PTPRQ: variants seen among roughly 807,000 people sequenced by gnomAD.
PTPRQ encodes the protein phosphatidylinositol phosphatase PTPRQ.
In PTPRQ, 199 loss-of-function variants were observed where a neutral mutation model predicts 246.0. The observed-to-expected ratio is 0.81, with a 90% CI of 0.72 to 0.91. The LOEUF (loss-of-function observed/expected upper bound fraction) is 0.91. Among genes scored for constraint, PTPRQ ranks in the 40% least tolerant of loss-of-function variants. The pLI, the probability that PTPRQ is intolerant of heterozygous loss-of-function variation, is 0.00. For synonymous variants in PTPRQ, 869 were observed against 853.2 expected (o/e 1.02, Z -0.32); for missense variants, 2,624 against 2,528.4 (o/e 1.04, Z -0.81).
At chr12:80,549,909 G>T (rs1896422050) in intron 25 of PTPRQ, among the ~76,000 whole-genome samples, 175 bp downstream of exon 25, 1 of 151,988 alleles carries the variant, frequency 6.6e-6, no homozygotes, top group Admixed American at 6.6e-5. Context: ...GTACTACATT[G>T]ACCCTTCTCC....
At chr12:80,524,312 T>A (rs1479508567) in intron 17 of PTPRQ, among the ~76,000 whole-genome samples, 2 of 152,102 alleles carry the variant, frequency 1.3e-5, no homozygotes, top group Non-Finnish European at 2.9e-5. Context: ...ACCTGATGGT[T>A]TTACAAGGGG....
At chr12:80,652,710 T>C in intron 37 of PTPRQ, 34 bp from the exon 38 acceptor site, 1 of 1,469,912 alleles carries the variant, frequency 6.8e-7, no homozygotes, top group Non-Finnish European at 9.0e-7. Flanking sequence ...TTACCTCTGA[T>C]AAATGTAAAC....
At chr12:80,562,819 C>A (rs946168313) in intron 25 of PTPRQ, among the ~76,000 whole-genome samples, 2 of 151,626 alleles carry the variant, frequency 1.3e-5, no homozygotes, top group Non-Finnish European at 2.9e-5. Flanking sequence ...TAGGAAAAAT[C>A]AATGAAATGA....
intron 29 of PTPRQ, among the ~76,000 whole-genome samples, chr12:80,615,132 T>C (rs1898702209): frequency 6.6e-6 from 1 of 151,026 alleles, no homozygotes. Context: ...CACTTAAATG[T>C]TAGATTCTAC....
In PTPRQ at chr12:80,534,943, C is replaced by A; in HGVS notation, c.2891C>A (p.Ser964Ter). The change falls in exon 19 of 45, where the codon TCA (serine) becomes TAA (stop). Residue 964 changes from serine to a stop codon, truncating the protein, a stop_gained. Transcript: ENST00000644991. LOFTEE classifies it high-confidence loss of function. ...DVYYANLSSS[S>*]IILFWTPPSK... ...TATTATGCAAACCTCAGTTCTTCAT[C>A]AATAATTCTTTTCTGGACACCTCCT... 1 of 1,550,216 alleles carries A rather than the reference C, an allele frequency of 6.5e-7. No individual in the cohort carries two copies. Among genetic ancestry groups the A allele is most frequent in the Non-Finnish European group, 8.7e-7 (1 of 1,146,330 alleles).
In PTPRQ at chr12:80,445,517, G is replaced by A. The variant is rs1043006583; in HGVS notation, c.190G>A (p.Gly64Arg). ...ACCAGGGCCTCCAGTCTTCCTAGCCGGGGAAAGAGTCGGATCTGCTGGGAT... is the reference window on the plus strand; with the variant it reads ...ACCAGGGCCTCCAGTCTTCCTAGCCAGGGAAAGAGTCGGATCTGCTGGGAT... The part of the protein sequence containing the change: ...TKPGPPVFLA[G>R]ERVGSAGILL... The change falls in exon 3 of 45, where the codon GGG (glycine) becomes AGG (arginine). Residue 64 changes from glycine (G) to arginine (R), a missense_variant. Gly to Arg is a moderately radical substitution (Grantham distance 125). Transcript: ENST00000644991. The A allele has an allele frequency of 3.3e-5, 51 of 1,545,488 alleles. No homozygotes were observed. The highest frequency in any genetic ancestry group is 9.8e-5 in the East Asian group (4 of 40,878).
intron 14 of PTPRQ, among the ~76,000 whole-genome samples, chr12:80,499,577 A>C (rs1462288403): frequency 1.3e-5 from 2 of 151,524 alleles, no homozygotes; most frequent in African/African-American, 2.4e-5. Flanking sequence ...ATATGGGCCC[A>C]CTCTTCAATA....
At chr12:80,642,875 C>G (rs1008673381) in intron 35 of PTPRQ, among the ~76,000 whole-genome samples, 4 of 141,368 alleles carry the variant, frequency 2.8e-5, no homozygotes, top group South Asian at 4.7e-4. Flanking sequence ...AGCCGAGATC[C>G]CGCCACTGCA....
At chr12:80,672,953 C>G (rs1474334759) in intron 42 of PTPRQ, among the ~76,000 whole-genome samples, 1 of 151,980 alleles carries the variant, frequency 6.6e-6, no homozygotes, top group Non-Finnish European at 1.5e-5. Context: ...AAGACAAACT[C>G]AAATATTTGA....
intron 3 of PTPRQ, among the ~76,000 whole-genome samples, chr12:80,446,263 G>T (rs907073514): frequency 1.3e-5 from 2 of 149,298 alleles, no homozygotes; most frequent in Admixed American, 6.7e-5. Flanking sequence ...TGGAAAGAAA[G>T]TCTTCGTTGA....
intron 17 of PTPRQ, among the ~76,000 whole-genome samples, chr12:80,519,565 A>G (rs115871737): frequency 0.012 from 1,820 of 152,248 alleles, 41 homozygotes; most frequent in African/African-American, 0.042. Flanking sequence ...TAGGAGCTTT[A>G]TGCGGAAAGG....
chr12:80,459,398 T>C lies in PTPRQ; in HGVS notation c.575T>C (p.Val192Ala). 2.5e-6 allele frequency: 1 copy of C among 398,450 alleles called. No individual in the cohort carries two copies. Among genetic ancestry groups the C allele is most frequent in the Non-Finnish European group, 4.4e-6 (1 of 225,960 alleles). 24.7% of individuals were successfully genotyped at this position (398,450 alleles called of 1,614,324 possible). A position where few individuals can be genotyped will look rare whatever the true frequency, so the allele number is the denominator to read the frequency against. The change falls in exon 5 of 45, where the codon GTC (valine) becomes GCC (alanine). Residue 192 changes from valine (V) to alanine (A), a missense_variant. Physicochemically the swap from Val to Ala is moderately conservative, Grantham distance 64 (BLOSUM62 0). Coordinates refer to ENST00000644991, the MANE Select transcript of PTPRQ (RefSeq NM_001145026.2). The stretch of plus-strand genomic sequence containing the variant: ...AAAATTACCAGCTTCAAGATTAGTG[T>C]CAAGCATGCCAGAAGTGGGATAGTA... ...NGKITSFKIS[V>A]KHARSGIVVK...
chr12:80,556,681 A>C (rs1205457932), intron 25 of PTPRQ, among the ~76,000 whole-genome samples: 3 of 152,218 alleles, frequency 2.0e-5, no homozygotes, highest in Non-Finnish European at 4.4e-5. Context: ...TTAGGTTGAG[A>C]TCAGAAGAGA....
chr12:80,544,049 A>T (rs1896232089), intron 23 of PTPRQ, among the ~76,000 whole-genome samples: 3 of 152,076 alleles, frequency 2.0e-5, no homozygotes. Flanking sequence ...CTATATATGG[A>T]TCTTGTCTCC....
intron 26 of PTPRQ, among the ~76,000 whole-genome samples, chr12:80,603,923 T>C (rs1898224886): frequency 1.3e-5 from 2 of 151,672 alleles, no homozygotes; most frequent in Non-Finnish European, 3.0e-5. Context: ...TTGACAACAA[T>C]GTGGCAAATA....
intron 6 of PTPRQ, among the ~76,000 whole-genome samples, chr12:80,466,299 G>C (rs2120515321): frequency 6.6e-6 from 1 of 152,240 alleles, no homozygotes; most frequent in Middle Eastern, 3.4e-3. Context: ...CAACTTACAA[G>C]GGATGTGAAG....
chr12:80,536,062 C>T (rs185087744), intron 19 of PTPRQ, among the ~76,000 whole-genome samples: 1 of 152,222 alleles, frequency 6.6e-6, no homozygotes, highest in African/African-American at 2.4e-5. Flanking sequence ...AGCTGAGATC[C>T]CGCCACTGCA....
chr12:80,594,130 CATT>C (rs1168572923), intron 26 of PTPRQ, among the ~76,000 whole-genome samples: 1 of 152,136 alleles, frequency 6.6e-6, no homozygotes, highest in Non-Finnish European at 1.5e-5. Flanking sequence ...TACACTTTAA[CATT>C]ATTTAAAATT....
At chr12:80,484,245 G>A (rs1260790987) in intron 8 of PTPRQ, among the ~76,000 whole-genome samples, 188 bp from the exon 9 acceptor site, 1 of 152,036 alleles carries the variant, frequency 6.6e-6, no homozygotes, top group Non-Finnish European at 1.5e-5. Context: ...TACCTCAGGT[G>A]ATTGGCCTCC....
Sources: allele counts gnomAD v4.1 joint callset (sites outside exome capture counted in the v4.1 genomes callset), GRCh38; gene constraint gnomAD v4.1.1; transcripts MANE v1.5; gene names NCBI Gene and HGNC (gene_info 2026-07-23, HGNC 2026-07-21).